CNIH3: variants seen among roughly 807,000 people sequenced by gnomAD.
CNIH3 encodes cornichon family AMPA receptor auxiliary protein 3.
A neutral mutation model predicts 24.1 loss-of-function variants in CNIH3; 14 were observed. The ratio of observed to expected loss-of-function variants is 0.58; its 90% CI spans 0.38 to 0.91. The LOEUF (loss-of-function observed/expected upper bound fraction) is 0.91, where lower values mean the gene tolerates loss of function less well. Among genes scored for constraint, CNIH3 ranks in the 40% least tolerant of loss-of-function variants. CNIH3 has a pLI of 0.00. For missense variants in CNIH3, 178 were observed against 196.8 expected (o/e 0.90, Z 0.57); for synonymous variants, 68 against 73.8 (o/e 0.92, Z 0.40).
chr1:224,643,255 C>A (rs185849679), intron 1 of CNIH3, among the ~76,000 whole-genome samples: 7 of 152,140 alleles, frequency 4.6e-5, no homozygotes, highest in Admixed American at 6.5e-5. Context: ...AGGTGGTAGT[C>A]GACTAGAGAA....
At chr1:224,443,682 G>C (rs1461589586) in intron 1 of CNIH3, among the ~76,000 whole-genome samples, 6 of 137,718 alleles carry the variant, frequency 4.4e-5, no homozygotes, top group Non-Finnish European at 7.7e-5. Flanking sequence ...TAGATAGATA[G>C]ATATCTATAG....
chr1:224,731,982 T>G (rs1388602896), intron 4 of CNIH3, among the ~76,000 whole-genome samples: 1 of 152,184 alleles, frequency 6.6e-6, no homozygotes, highest in East Asian at 1.9e-4. Flanking sequence ...GAAGGTGGAA[T>G]TAATTTATTC....
chr1:224,475,430 C>A (rs1336157846), intron 1 of CNIH3, among the ~76,000 whole-genome samples: 1 of 151,242 alleles, frequency 6.6e-6, no homozygotes, highest in African/African-American at 2.4e-5. Context: ...CTGCCAAATT[C>A]AAAGGATGAT....
At chr1:224,649,600 C>T (rs298737) in intron 1 of CNIH3, among the ~76,000 whole-genome samples, 9,046 of 152,230 alleles carry the variant, frequency 0.059, 763 homozygotes, top group African/African-American at 0.18. Flanking sequence ...TTAACTCTAA[C>T]CCCCAAGTAG....
chr1:224,484,913 T>C (rs1676967424), intron 1 of CNIH3, among the ~76,000 whole-genome samples: 1 of 152,232 alleles, frequency 6.6e-6, no homozygotes, highest in African/African-American at 2.4e-5. Flanking sequence ...ATTTTTTATG[T>C]CATTGACTGT....
chr1:224,739,398 G>A lies in CNIH3; in HGVS notation c.*42G>A, dbSNP rs773599335. 5.6e-6 allele frequency: 9 copies of A among 1,593,486 alleles called. No homozygotes were observed. The Admixed American group carries it at 1.1e-4, about 19-fold the overall frequency. On this transcript the variant is annotated 3_prime_UTR_variant, in exon 6 of 6. Transcript: ENST00000272133. The stretch of plus-strand genomic sequence containing the variant: ...ATCATCAGAGACTGAGATGGGAGAG[G>A]CCTGAGACGGAGAGGTGCATTTCTG...
chr1:224,559,197 A>G (rs1680262527), intron 3 of CNIH3, among the ~76,000 whole-genome samples: 1 of 152,134 alleles, frequency 6.6e-6, no homozygotes, highest in Admixed American at 6.5e-5. Context: ...TACCCTTTCT[A>G]TACTGTTTGG....
intron 1 of CNIH3, among the ~76,000 whole-genome samples, chr1:224,452,297 G>A (rs542433437): frequency 6.6e-5 from 10 of 151,618 alleles, no homozygotes; most frequent in African/African-American, 2.2e-4. Context: ...TTATAGGCGC[G>A]TACCACCATG....
chr1:224,667,901 G>A (rs932347666), intron 1 of CNIH3, among the ~76,000 whole-genome samples: 15 of 152,170 alleles, frequency 9.9e-5, no homozygotes, highest in African/African-American at 3.4e-4. Flanking sequence ...CACTGGTAGC[G>A]TGGATAGACA....
At chr1:224,614,507 G>A (rs148435053), upstream of CNIH3, among the ~76,000 whole-genome samples, 2 of 152,232 alleles carry the variant, frequency 1.3e-5, no homozygotes, top group African/African-American at 4.8e-5. Flanking sequence ...ACCTATGTCT[G>A]CAAACAAAAC....
chr1:224,651,729 A>G (rs1684868843), intron 1 of CNIH3, among the ~76,000 whole-genome samples: 1 of 152,210 alleles, frequency 6.6e-6, no homozygotes, highest in African/African-American at 2.4e-5. Context: ...CTGTTTATTC[A>G]ATCATGCTTT....
intron 2 of CNIH3, among the ~76,000 whole-genome samples, chr1:224,531,342 T>C (rs2124931156): frequency 6.6e-6 from 1 of 152,282 alleles, no homozygotes; most frequent in South Asian, 2.1e-4. Flanking sequence ...AGTGAGTCAT[T>C]AGTCATACTA....
intron 1 of CNIH3, among the ~76,000 whole-genome samples, chr1:224,619,255 G>T (rs1683170790): frequency 6.6e-6 from 1 of 152,196 alleles, no homozygotes; most frequent in South Asian, 2.1e-4. Context: ...AGTGGTTTGT[G>T]CAGCTGGTTG....
chr1:224,565,732 T>G (rs557552464), intron 3 of CNIH3: 48 of 152,728 alleles, frequency 3.1e-4, no homozygotes, highest in African/African-American at 1.0e-3. Context: ...CCTGGTGCTG[T>G]GTGCTCCCGT....
At chr1:224,533,605 G>A (rs1375860666) in intron 2 of CNIH3, among the ~76,000 whole-genome samples, 1 of 152,164 alleles carries the variant, frequency 6.6e-6, no homozygotes, top group African/African-American at 2.4e-5. Flanking sequence ...AGAATCTGTT[G>A]TGTGCCCTTC....
intron 1 of CNIH3, among the ~76,000 whole-genome samples, chr1:224,519,286 A>T (rs888628139): frequency 2.0e-5 from 3 of 152,130 alleles, no homozygotes; most frequent in Non-Finnish European, 2.9e-5. Context: ...AGGAAGGGAA[A>T]ACTTGCCTCT....
At chr1:224,634,584 A>AAG (rs770768725) in intron 1 of CNIH3, among the ~76,000 whole-genome samples, 2,975 of 148,124 alleles carry the variant, frequency 0.02, 90 homozygotes, top group African/African-American at 0.068. Flanking sequence ...AAAAAAAAAA[A>AAG]TAAAAAAAAA....
At chr1:224,450,681 C>T (rs2102963641) in intron 1 of CNIH3, among the ~76,000 whole-genome samples, 1 of 152,296 alleles carries the variant, frequency 6.6e-6, no homozygotes, top group South Asian at 2.1e-4. Flanking sequence ...TTAAGATGTA[C>T]TAGATACTTA....
At position 224,739,319 on chromosome 1, in the gene CNIH3, T is replaced by TTTTC; in HGVS notation, c.456-9_456-8insTTCT. Reference sequence around the variant, plus strand: ...TCTTTTTTTTTTTTTTTTTTTTTTTTTGCATTCAGCATGATCTACACTTTA... The same window carrying TTTTC: ...TCTTTTTTTTTTTTTTTTTTTTTTTTTTTCTGCATTCAGCATGATCTACACTTTA... On this transcript the variant is annotated splice_polypyrimidine_tract_variant and intron_variant, in intron 5 of 5. Coordinates refer to ENST00000272133, the MANE Select transcript of CNIH3 (RefSeq NM_152495.2). 2 of 1,427,338 alleles carry TTTTC rather than the reference T, an allele frequency of 1.4e-6. No homozygotes were observed. Among genetic ancestry groups the TTTTC allele is most frequent in the Non-Finnish European group, 1.9e-6 (2 of 1,062,796 alleles). 88.4% of individuals were successfully genotyped at this position (1,427,338 alleles called of 1,614,324 possible). A position where few individuals can be genotyped will look rare whatever the true frequency, so the allele number is the denominator to read the frequency against.
Sources: gnomAD v4.1 joint callset for allele counts (sites outside exome capture counted in the v4.1 genomes callset) on GRCh38, gnomAD v4.1.1 for gene constraint, MANE v1.5 for transcripts, NCBI Gene and HGNC (gene_info 2026-07-23, HGNC 2026-07-21) for gene names.